Variants in FAM171B observed in about 807,000 individuals in gnomAD.
FAM171B encodes protein FAM171B.
In FAM171B, 19 loss-of-function variants were observed where a neutral mutation model predicts 75.6. The ratio of observed to expected loss-of-function variants is 0.25; its 90% CI spans 0.18 to 0.37. The LOEUF is 0.37. FAM171B is among the 10% of genes least tolerant of loss of function. The pLI, the probability that FAM171B is intolerant of heterozygous loss-of-function variation, is 1.00. For missense variants in FAM171B, 848 were observed against 982.4 expected, an observed-to-expected ratio of 0.86 and a Z score of 1.83; for synonymous variants, 367 against 361.7, an observed-to-expected ratio of 1.01 and a Z score of -0.17.
At chr2:186,697,809 G>T in intron 1 of FAM171B, among the ~76,000 whole-genome samples, 1 of 151,986 alleles carries the variant, frequency 6.6e-6, no homozygotes, top group East Asian at 1.9e-4. Context: ...GTATTCTCTG[G>T]ATTTTATTAT....
intron 1 of FAM171B, among the ~76,000 whole-genome samples, chr2:186,705,320 A>G: frequency 6.6e-6 from 1 of 152,130 alleles, no homozygotes; most frequent in Non-Finnish European, 1.5e-5. Flanking sequence ...GGCTGTTGCC[A>G]TGGCACACTG....
chr2:186,739,654 A>G (rs1469661287), intron 1 of FAM171B, among the ~76,000 whole-genome samples: 1 of 152,170 alleles, frequency 6.6e-6, no homozygotes, highest in Non-Finnish European at 1.5e-5. Context: ...GTCATCTCCC[A>G]AGATAACAAT....
In FAM171B at chr2:186,740,415, T is replaced by C. The variant is rs772875715; in HGVS notation, c.426T>C (p.Asp142=). ...GTTTAACTATTATTGCTTACAAAGA[T>C]GGCTACGTGTTGACCCCTCTGCCTT... ...GLSLTIIAYK[D]GYVLTPLPWK... Residue 142 remains aspartate, a synonymous_variant, in exon 2 of 8, where the codon GAT becomes GAC. Coordinates refer to ENST00000304698, the MANE Select transcript of FAM171B (RefSeq NM_177454.4). The C allele has an allele frequency of 1.2e-6, 2 of 1,614,042 alleles. No individual in the cohort carries two copies. Among genetic ancestry groups the C allele is most frequent in the Non-Finnish European group, 1.7e-6 (2 of 1,179,916 alleles).
intron 1 of FAM171B, among the ~76,000 whole-genome samples, chr2:186,725,507 C>T (rs1349137520): frequency 1.3e-5 from 2 of 152,076 alleles, no homozygotes; most frequent in African/African-American, 4.8e-5. Context: ...TGAGCTGAGT[C>T]TCAAGGATAA....
In FAM171B at chr2:186,761,580, G is replaced by A. The variant is rs1380591377; in HGVS notation, c.1238G>A (p.Ser413Asn). ...TCAACAACACACATAAATCATATCA[G>A]TACAGTTAAAGTTGCATTAAAAGCT... ...TTSTTHINHISTVKVALKAED... is the reference protein window; with the variant it reads ...TTSTTHINHINTVKVALKAED... Residue 413 changes from serine to asparagine, a missense_variant, in exon 8 of 8, where the codon AGT becomes AAT. Around this residue, in one of 3 missense-constraint regions of FAM171B, gnomAD observed 665 missense variants for 729.0 expected, o/e 0.91. Coordinates refer to ENST00000304698, the MANE Select transcript of FAM171B (RefSeq NM_177454.4). 4 of 1,613,208 alleles carry A rather than the reference G, an allele frequency of 2.5e-6. No individual in the cohort carries two copies. The highest frequency in any genetic ancestry group is 3.4e-6 in the Non-Finnish European group (4 of 1,179,570).
chr2:186,726,269 G>A (rs547234713), intron 1 of FAM171B, among the ~76,000 whole-genome samples: 1 of 151,892 alleles, frequency 6.6e-6, no homozygotes, highest in East Asian at 1.9e-4. Context: ...ATTCAAACAC[G>A]CACATATTTT....
At chr2:186,710,883 TAC>T (rs368340956) in intron 1 of FAM171B, among the ~76,000 whole-genome samples, 15 of 150,436 alleles carry the variant, frequency 1.0e-4, no homozygotes, top group Non-Finnish European at 1.2e-4. Flanking sequence ...TTACTGTCTT[TAC>T]ACACACACAC....
At chr2:186,707,522 AT>A (rs1180636894) in intron 1 of FAM171B, among the ~76,000 whole-genome samples, 33 of 152,166 alleles carry the variant, frequency 2.2e-4, no homozygotes, top group Non-Finnish European at 3.5e-4. Context: ...CTGCCCTTCT[AT>A]GCTGATTACT....
chr2:186,729,361 A>G (rs902068802), intron 1 of FAM171B, among the ~76,000 whole-genome samples: 1 of 152,214 alleles, frequency 6.6e-6, no homozygotes, highest in African/African-American at 2.4e-5. Flanking sequence ...GGAGAAGGGT[A>G]GGTAGACAAA....
At chr2:186,727,998 A>G (rs545309651) in intron 1 of FAM171B, among the ~76,000 whole-genome samples, 41 of 152,136 alleles carry the variant, frequency 2.7e-4, no homozygotes, top group Non-Finnish European at 5.4e-4. Flanking sequence ...ATAGACCCCA[A>G]AGAAGCCTGA....
intron 2 of FAM171B, among the ~76,000 whole-genome samples, chr2:186,743,144 G>T (rs538276935): frequency 6.6e-6 from 1 of 151,956 alleles, no homozygotes; most frequent in Non-Finnish European, 1.5e-5. Context: ...AAAAATTAGA[G>T]AAAATATATC....
At chr2:186,758,880 C>T (rs1168668601) in intron 6 of FAM171B, among the ~76,000 whole-genome samples, 1 of 151,980 alleles carries the variant, frequency 6.6e-6, no homozygotes, top group Non-Finnish European at 1.5e-5. Context: ...TCTGTGTTCA[C>T]TCTGTTGTAC....
At chr2:186,714,176 G>T (rs182032751) in intron 1 of FAM171B, among the ~76,000 whole-genome samples, 155 of 151,000 alleles carry the variant, frequency 1.0e-3, no homozygotes, top group South Asian at 1.2e-3. Flanking sequence ...TTTGTCTCTA[G>T]TATTGCAGTT....
rs559971192 is a variant in FAM171B, at chr2:186,741,130, AT to A, written c.472+670del. Among the ~76,000 whole-genome samples the A allele has an allele frequency of 2.8e-4, 42 of 152,260 alleles. No homozygotes were observed. The East Asian group carries it at 5.4e-3, about 20-fold the overall frequency. On this transcript the variant is annotated intron_variant, in intron 2 of 7. Transcript: ENST00000304698. ...TTTATAAAATGTTATCTATGATAAG[AT>A]GCCATTAGAAATCATTGAGAAAAGG...
chr2:186,724,170 G>T (rs1424497054), intron 1 of FAM171B, among the ~76,000 whole-genome samples: 3 of 152,164 alleles, frequency 2.0e-5, no homozygotes, highest in Non-Finnish European at 4.4e-5. Flanking sequence ...AGCTATGATT[G>T]TCCTTGGCCG....
chr2:186,721,251 G>T (rs1689948323), intron 1 of FAM171B, among the ~76,000 whole-genome samples: 1 of 152,102 alleles, frequency 6.6e-6, no homozygotes, highest in Admixed American at 6.5e-5. Flanking sequence ...CTGGGGTGGG[G>T]CCTGGGAATG....
At chr2:186,727,613 A>T (rs1377748289) in intron 1 of FAM171B, among the ~76,000 whole-genome samples, 2 of 151,928 alleles carry the variant, frequency 1.3e-5, no homozygotes, top group Non-Finnish European at 2.9e-5. Flanking sequence ...AGTGGGTCAG[A>T]GTTGGCAGGC....
At chr2:186,748,778 A>G (rs146752186) in intron 4 of FAM171B, among the ~76,000 whole-genome samples, 44 of 152,276 alleles carry the variant, frequency 2.9e-4, no homozygotes, top group African/African-American at 1.0e-3. Flanking sequence ...TTATTATCTC[A>G]GGGTCTGCTG....
At chr2:186,729,155 G>T (rs779852639) in intron 1 of FAM171B, among the ~76,000 whole-genome samples, 1 of 151,960 alleles carries the variant, frequency 6.6e-6, no homozygotes, top group African/African-American at 2.4e-5. Context: ...TCACTGATAC[G>T]TATTTTATTT....
Sources: allele counts gnomAD v4.1 joint callset (sites outside exome capture counted in the v4.1 genomes callset), GRCh38; gene constraint gnomAD v4.1.1; regional missense constraint gnomAD v4.1.1; transcripts MANE v1.5; gene names NCBI Gene and HGNC (gene_info 2026-07-23, HGNC 2026-07-21).